Variants in SNX4 observed in about 807,000 individuals in gnomAD.
SNX4 encodes the protein sorting nexin-4.
Under a neutral mutation model 70.8 loss-of-function variants are expected in SNX4, and 49 were observed. The observed-to-expected ratio is 0.69, with a 90% CI of 0.55 to 0.88. SNX4 has a LOEUF of 0.88. SNX4 is among the 40% of genes least tolerant of loss of function. The probability of loss-of-function intolerance (pLI) is 0.00; values close to 1 mark genes in which losing one functional copy is unlikely to be tolerated. For synonymous variants in SNX4, 206 were observed against 183.8 expected (o/e 1.12, Z -0.98); for missense variants, 528 against 544.8 (o/e 0.97, Z 0.31).
chr3:125,485,290 A>T (rs568774902), intron 6 of SNX4, among the ~76,000 whole-genome samples: 8 of 151,998 alleles, frequency 5.3e-5, no homozygotes, highest in African/African-American at 1.9e-4. Flanking sequence ...TAACTTATCT[A>T]TTTTATATGG....
chr3:125,455,889 C>T (rs911984887), intron 11 of SNX4, among the ~76,000 whole-genome samples: 3 of 152,032 alleles, frequency 2.0e-5, no homozygotes, highest in South Asian at 2.1e-4. Context: ...TGGTGGCAGG[C>T]GCCTGTAGTC....
intron 6 of SNX4, among the ~76,000 whole-genome samples, chr3:125,488,129 C>G (rs1934571106): frequency 7.4e-6 from 1 of 134,706 alleles, no homozygotes; most frequent in Non-Finnish European, 1.5e-5. Flanking sequence ...ATTTTGCTAA[C>G]TCTACTAAAC....
intron 1 of SNX4, among the ~76,000 whole-genome samples, chr3:125,514,205 T>C (rs1935225829): frequency 6.6e-6 from 1 of 151,918 alleles, no homozygotes; most frequent in Non-Finnish European, 1.5e-5. Context: ...CTAAGAAAAA[T>C]AGGGTTATAA....
chr3:125,456,172 A>G (rs184401948), intron 11 of SNX4, among the ~76,000 whole-genome samples: 3 of 152,328 alleles, frequency 2.0e-5, no homozygotes, highest in Admixed American at 6.5e-5. Context: ...GACTAATGCA[A>G]TCAGGTACAG....
chr3:125,506,622 T>C (rs942491386), intron 1 of SNX4, among the ~76,000 whole-genome samples: 8 of 150,668 alleles, frequency 5.3e-5, no homozygotes, highest in African/African-American at 2.0e-4. Context: ...TCTCCTGCCT[T>C]AGCCTCCAGA....
At chr3:125,462,836 G>A (rs542267635) in intron 9 of SNX4, among the ~76,000 whole-genome samples, 70 of 152,236 alleles carry the variant, frequency 4.6e-4, no homozygotes, top group Non-Finnish European at 3.4e-4. Flanking sequence ...TATCAGCTTC[G>A]CCCAGGAAAG....
chr3:125,464,311 T>C (rs1484507674), intron 9 of SNX4, among the ~76,000 whole-genome samples: 1 of 152,126 alleles, frequency 6.6e-6, no homozygotes, highest in Non-Finnish European at 1.5e-5. Flanking sequence ...GAAGACCAAT[T>C]TGCCATTTAA....
chr3:125,508,456 A>T (rs1231917311), intron 1 of SNX4, among the ~76,000 whole-genome samples: 2 of 135,182 alleles, frequency 1.5e-5, no homozygotes, highest in Non-Finnish European at 3.3e-5. Flanking sequence ...AGTCCCAACC[A>T]CTCAGGAGGC....
At chr3:125,470,489 TA>T (rs371640854) in intron 8 of SNX4, among the ~76,000 whole-genome samples, 96 of 139,024 alleles carry the variant, frequency 6.9e-4, no homozygotes, top group East Asian at 1.0e-3. Context: ...CCTAAAAAGT[TA>T]AAAAAAAAAA....
At chr3:125,500,183 A>C (rs759312026) in intron 2 of SNX4, among the ~76,000 whole-genome samples, 3 of 152,152 alleles carry the variant, frequency 2.0e-5, no homozygotes, top group Non-Finnish European at 2.9e-5. Flanking sequence ...TCATTTATCT[A>C]ATCACTCAAC....
At position 125,498,195 on chromosome 3, in the gene SNX4, C is replaced by G; in HGVS notation, c.264-1G>C. The G allele has an allele frequency of 1.9e-6, 3 of 1,611,964 alleles. No homozygotes were observed. The South Asian group carries it at 3.3e-5, about 18-fold the overall frequency. The stretch of plus-strand genomic sequence containing the variant: ...CTGACCATCGGTATGTTCAACTGAC[C>G]TGAAAAGGAACAGAACAACACTTGT... On this transcript the variant is annotated splice_acceptor_variant, in intron 2 of 13. Transcript: ENST00000251775. LOFTEE classifies it high-confidence loss of function.
intron 5 of SNX4, among the ~76,000 whole-genome samples, chr3:125,490,441 G>A (rs1211322885): frequency 2.1e-5 from 3 of 143,628 alleles, no homozygotes; most frequent in South Asian, 2.3e-4. Context: ...GGAGAATGGC[G>A]TGAACCCGGG....
chr3:125,450,640 G>A (rs946803492), intron 13 of SNX4, among the ~76,000 whole-genome samples: 7 of 152,106 alleles, frequency 4.6e-5, no homozygotes, highest in African/African-American at 1.7e-4. Context: ...TTCCTATTTT[G>A]TTCTTAAACC....
intron 2 of SNX4, 98 bp downstream of exon 2, chr3:125,504,523 AAT>A: frequency 5.0e-6 from 6 of 1,210,592 alleles, no homozygotes; most frequent in African/African-American, 3.1e-5. Context: ...CGAAAAAAAA[AAT>A]AACCTTTAAA....
Position 125,476,502 on chromosome 3 carries a change from C to A in SNX4, c.788+193G>T, listed in dbSNP as rs1301616648. ...AGGAGAATCACTTGAGCCCAGGAGG[C>A]GGGGGTTGCAGTGAGCCGAGATCAC... On this transcript the variant is annotated intron_variant, in intron 8 of 13. Transcript: ENST00000251775. 2.0e-5 allele frequency among the ~76,000 whole-genome samples: 3 copies of A among 151,854 alleles called. No individual in the cohort carries two copies. In the East Asian group the frequency reaches 5.8e-4, roughly 29 times the overall value.
intron 2 of SNX4, among the ~76,000 whole-genome samples, chr3:125,500,665 G>A (rs971635797): frequency 6.6e-6 from 1 of 151,644 alleles, no homozygotes; most frequent in African/African-American, 2.4e-5. Context: ...ACCCAGGCGT[G>A]GTGTTGCGCG....
chr3:125,478,810 T>C (rs1934342862), intron 7 of SNX4, among the ~76,000 whole-genome samples: 1 of 152,032 alleles, frequency 6.6e-6, no homozygotes, highest in Non-Finnish European at 1.5e-5. Context: ...TTGTCCCCCA[T>C]CTGCACCTCC....
At chr3:125,501,078 A>C (rs1331973590) in intron 2 of SNX4, among the ~76,000 whole-genome samples, 1 of 152,058 alleles carries the variant, frequency 6.6e-6, no homozygotes, top group Non-Finnish European at 1.5e-5. Flanking sequence ...CAAAACACTG[A>C]ATTACAGAAA....
At chr3:125,488,710 C>G (rs990967241) in intron 6 of SNX4, among the ~76,000 whole-genome samples, 3 of 152,132 alleles carry the variant, frequency 2.0e-5, no homozygotes, top group Admixed American at 1.3e-4. Context: ...GAAGGATTCA[C>G]TAGAGAAATT....
Sources: gnomAD v4.1 joint callset for allele counts (sites outside exome capture counted in the v4.1 genomes callset) on GRCh38, gnomAD v4.1.1 for gene constraint, MANE v1.5 for transcripts, NCBI Gene and HGNC (gene_info 2026-07-23, HGNC 2026-07-21) for gene names.